Variants in BRD3 observed in about 807,000 individuals in gnomAD.
BRD3 encodes the protein bromodomain-containing protein 3.
A neutral mutation model predicts 66.8 loss-of-function variants in BRD3; 17 were observed. That is an observed-to-expected ratio of 0.25 (90% CI 0.17 to 0.38). The LOEUF (loss-of-function observed/expected upper bound fraction) is 0.38, where lower values mean the gene tolerates loss of function less well. BRD3 is among the 10% of genes least tolerant of loss of function. The pLI is 1.00. For synonymous variants in BRD3, 421 were observed against 393.2 expected (o/e 1.07, Z -0.84); for missense variants, 713 against 956.1 (o/e 0.75, Z 3.35).
rs375803080 is a variant in BRD3 at position 134,040,281 on chromosome 9, C to T, written c.1408-12G>A. ...TGCACGGCCTTCAGCTGGAAAAGAG[C>T]GGGCGGCTGAGCAGGTGCTGGGCAC... On this transcript the variant is annotated splice_polypyrimidine_tract_variant and intron_variant, in intron 8 of 11. Coordinates refer to ENST00000303407, the MANE Select transcript of BRD3 (RefSeq NM_007371.4). 1.5e-5 allele frequency: 24 copies of T among 1,587,296 alleles called. No homozygotes were observed. The highest frequency in any genetic ancestry group is 5.7e-5 in the South Asian group (5 of 87,714).
Position 134,034,693 on chromosome 9 carries a change from A to G in BRD3, c.2065+8T>C. The G allele has an allele frequency of 6.2e-7, 1 of 1,602,744 alleles. No individual in the cohort carries two copies. Among genetic ancestry groups the G allele is most frequent in the Non-Finnish European group, 8.5e-7 (1 of 1,179,862 alleles). The stretch of plus-strand genomic sequence containing the variant: ...AAAGAGGGGTGGCACAGCGGCCGCC[A>G]GCGGTACCTTTCCGGGCGGGCTTCT... On this transcript the variant is annotated splice_region_variant and intron_variant, in intron 11 of 11. Coordinates refer to ENST00000303407, the MANE Select transcript of BRD3 (RefSeq NM_007371.4).
rs1345017716 is a variant in BRD3 at position 134,046,783 on chromosome 9, G to GAT, written c.1086+1298_1086+1299dup. On this transcript the variant is annotated intron_variant, in intron 6 of 11. Transcript: ENST00000303407. ...CTTCTCCCCATGCCATGCCAGGACAGATAGAGGTGGGAAGCTCCGAACAAA... is the reference window on the plus strand; with the variant it reads ...CTTCTCCCCATGCCATGCCAGGACAGATATAGAGGTGGGAAGCTCCGAACAAA... Among the ~76,000 whole-genome samples the GAT allele has an allele frequency of 4.6e-5, 7 of 152,358 alleles. No homozygotes were observed. The East Asian group carries it at 7.7e-4, about 17-fold the overall frequency.
chr9:134,053,180 A>C, intron 2 of BRD3, 85 bp downstream of exon 2: 1 of 1,459,548 alleles, frequency 6.9e-7, no homozygotes, highest in South Asian at 1.2e-5. Context: ...GGCCAGAGGC[A>C]GTCTTTCCAG....
At chr9:134,057,676 T>C (rs1373860397) in intron 1 of BRD3, 1 of 152,174 alleles carries the variant, frequency 6.6e-6, no homozygotes, top group Non-Finnish European at 1.5e-5. Context: ...CAGTCGGCAG[T>C]GGAGGCACAG....
rs75769230 is a variant in BRD3 at position 134,042,381 on chromosome 9, C to T, written c.1216-430G>A. 7.9e-3 allele frequency among the ~76,000 whole-genome samples: 1,196 copies of T among 152,270 alleles called. 9 individuals carry two copies. Among genetic ancestry groups the T allele is most frequent in the African/African-American group, 0.016 (667 of 41,554 alleles). ...TTGACCTCTTCCCATCTCTTCACCC[C>T]GGAACTGACTGCAGCATCACATCTC... is the stretch of plus-strand genomic sequence containing the variant. On this transcript the variant is annotated intron_variant, in intron 7 of 11. Coordinates refer to ENST00000303407, the MANE Select transcript of BRD3 (RefSeq NM_007371.4).
At chr9:134,048,695 T>A (rs1379582664) in intron 5 of BRD3, among the ~76,000 whole-genome samples, 2 of 152,136 alleles carry the variant, frequency 1.3e-5, no homozygotes, top group African/African-American at 4.8e-5. Context: ...CGCCCTCACC[T>A]GGGCGAGGGG....
At chr9:134,064,695 T>C (rs1830610682) in intron 1 of BRD3, among the ~76,000 whole-genome samples, 1 of 152,118 alleles carries the variant, frequency 6.6e-6, no homozygotes, top group African/African-American at 2.4e-5. Context: ...ACGCCATCTC[T>C]ACTAAAAATA....
chr9:134,041,560 C>A (rs956772774), intron 8 of BRD3, among the ~76,000 whole-genome samples, 200 bp downstream of exon 8: 47 of 152,350 alleles, frequency 3.1e-4, no homozygotes, highest in African/African-American at 1.0e-3. Context: ...TCCCCGCAGC[C>A]ACCCACGTGT....
chr9:134,063,294 C>A (rs1298975149), intron 1 of BRD3, among the ~76,000 whole-genome samples: 3 of 152,068 alleles, frequency 2.0e-5, no homozygotes, highest in Non-Finnish European at 2.9e-5. Flanking sequence ...CCACAGCCCA[C>A]GGAGCCACCG....
chr9:134,048,362 G>C lies in BRD3; in HGVS notation c.807C>G (p.Asp269Glu), dbSNP rs1325495033. 1 of 1,599,174 alleles carries C rather than the reference G, an allele frequency of 6.3e-7. No homozygotes were observed. The highest frequency in any genetic ancestry group is 8.5e-7 in the Non-Finnish European group (1 of 1,179,898). ...SRSESPPPLS[D>E]PKQAKVVARR... ...GGGCCACCACTTTGGCCTGCTTGGG[G>C]TCTGACAACGGCGGGGGCGACTCAC... Residue 269 changes from aspartate to glutamate, a missense_variant, in exon 6 of 12, where the codon GAC (aspartate) becomes GAG (glutamate). Around this residue, in one of 5 missense-constraint regions of BRD3, gnomAD observed 418 missense variants for 609.3 expected, o/e 0.69. Transcript: ENST00000303407.
At chr9:134,051,486 G>A in intron 4 of BRD3, 76 bp downstream of exon 4, 1 of 1,397,368 alleles carries the variant, frequency 7.2e-7, no homozygotes, top group Non-Finnish European at 9.3e-7. Context: ...GATGGCTAAA[G>A]GATCGCGTCC....
chr9:134,042,407 A>G (rs1394537472), intron 7 of BRD3, among the ~76,000 whole-genome samples: 1 of 152,118 alleles, frequency 6.6e-6, no homozygotes, highest in Non-Finnish European at 1.5e-5. Flanking sequence ...ATCACATCTC[A>G]TGAACGGTGA....
At chr9:134,043,637 G>A (rs1038890814) in intron 7 of BRD3, among the ~76,000 whole-genome samples, 3 of 152,200 alleles carry the variant, frequency 2.0e-5, no homozygotes, top group Non-Finnish European at 2.9e-5. Context: ...TCGTTTTGCT[G>A]TTGGGCTCTA....
intron 4 of BRD3, among the ~76,000 whole-genome samples, chr9:134,051,280 T>C (rs370456025): frequency 1.7e-4 from 26 of 152,224 alleles, no homozygotes; most frequent in African/African-American, 6.0e-4. Flanking sequence ...GGAGCAGGAT[T>C]TGGGAGGTGG....
chr9:134,067,688 G>C (rs1830697384), intron 1 of BRD3, among the ~76,000 whole-genome samples: 1 of 146,180 alleles, frequency 6.8e-6, no homozygotes. Flanking sequence ...CCAAGCGGGA[G>C]CGGGAGGAGG....
rs142522938 is a variant in BRD3, at chr9:134,043,784, G to A, written c.1215+1509C>T. Among the ~76,000 whole-genome samples, 464 of 152,302 alleles carry A rather than the reference G, an allele frequency of 3.0e-3. 4 individuals are homozygous for A. In the East Asian group the frequency reaches 0.04, roughly 13 times the overall value. ...CAGCTCACTGCAGTCTCCAACGCCC[G>A]GGCTCAGGTGATCCTCCCATCTCAC... On this transcript the variant is annotated intron_variant, in intron 7 of 11. Coordinates refer to ENST00000303407, the MANE Select transcript of BRD3 (RefSeq NM_007371.4).
intron 1 of BRD3, among the ~76,000 whole-genome samples, chr9:134,063,831 C>CA (rs1290018460): frequency 6.6e-6 from 1 of 152,234 alleles, no homozygotes; most frequent in African/African-American, 2.4e-5. Context: ...AAGCCACACT[C>CA]AGAAAGATCC....
At chr9:134,056,211 C>T (rs866637882) in intron 1 of BRD3, among the ~76,000 whole-genome samples, 1 of 152,238 alleles carries the variant, frequency 6.6e-6, no homozygotes, top group African/African-American at 2.4e-5. Context: ...TGGGGCTGCA[C>T]CTGGTGCCAG....
At chr9:134,042,810 C>T (rs1830089734) in intron 7 of BRD3, among the ~76,000 whole-genome samples, 1 of 150,866 alleles carries the variant, frequency 6.6e-6, no homozygotes, top group Non-Finnish European at 1.5e-5. Flanking sequence ...CACACACACA[C>T]ACACACACAT....
Sources: gnomAD v4.1 joint callset for allele counts (sites outside exome capture counted in the v4.1 genomes callset) on GRCh38, gnomAD v4.1.1 for gene constraint, gnomAD v4.1.1 regional missense constraint, MANE v1.5 for transcripts, NCBI Gene and HGNC (gene_info 2026-07-23, HGNC 2026-07-21) for gene names.